The following NRXN1 variants were observed in gnomAD, a reference collection of about 807,000 sequenced individuals.
NRXN1 encodes the protein neurexin-1.
NRXN1 carries 39 observed loss-of-function variants against 150.9 expected under a neutral mutation model. The observed-to-expected ratio is 0.26, with a 90% CI of 0.20 to 0.34. The LOEUF is 0.34. Ranked by LOEUF, NRXN1 falls within the 10% of genes least tolerant of loss-of-function variation. The pLI is 1.00. For synonymous variants in NRXN1, 924 were observed against 757.0 expected (o/e 1.22, Z -3.62); for missense variants, 1,815 against 1,949.9 (o/e 0.93, Z 1.30).
chr2:50,870,331 T>C (rs1479490126), intron 5 of NRXN1, among the ~76,000 whole-genome samples: 2 of 151,894 alleles, frequency 1.3e-5, no homozygotes, highest in Non-Finnish European at 2.9e-5. Flanking sequence ...TAGTCAATCA[T>C]TGAGTCTTCT....
intron 17 of NRXN1, among the ~76,000 whole-genome samples, chr2:50,334,429 CTATT>C (rs2077052181): frequency 6.6e-6 from 1 of 152,026 alleles, no homozygotes; most frequent in Non-Finnish European, 1.5e-5. Flanking sequence ...GCCTTTCTCT[CTATT>C]TACCACATAC....
intron 21 of NRXN1, among the ~76,000 whole-genome samples, chr2:49,987,586 G>A (rs1425558419): frequency 1.3e-5 from 2 of 152,004 alleles, no homozygotes; most frequent in Non-Finnish European, 2.9e-5. Context: ...TTGATTCAAT[G>A]ACCCATTGAT....
At chr2:51,022,240 C>T (rs759218630) in intron 2 of NRXN1, among the ~76,000 whole-genome samples, 10 of 152,188 alleles carry the variant, frequency 6.6e-5, no homozygotes, top group Non-Finnish European at 1.5e-4. Context: ...AGGCACTAAT[C>T]TAAGAGATTC....
intron 22 of NRXN1, among the ~76,000 whole-genome samples, chr2:49,941,734 A>C (rs1230509280): frequency 1.3e-5 from 2 of 152,172 alleles, no homozygotes; most frequent in Non-Finnish European, 2.9e-5. Flanking sequence ...ACCCTGAAGA[A>C]AACACTAATT....
intron 18 of NRXN1, among the ~76,000 whole-genome samples, chr2:50,100,766 T>C (rs1334404966): frequency 6.6e-6 from 1 of 152,086 alleles, no homozygotes; most frequent in Non-Finnish European, 1.5e-5. Flanking sequence ...TAATTCTGTA[T>C]CTCCATCCAC....
chr2:50,966,439 A>G (rs1333069145), intron 2 of NRXN1, among the ~76,000 whole-genome samples: 1 of 151,602 alleles, frequency 6.6e-6, no homozygotes, highest in East Asian at 1.9e-4. Context: ...ACAATAACGG[A>G]GGGCCTTATT....
chr2:50,830,941 T>G (rs1289283200), intron 5 of NRXN1, among the ~76,000 whole-genome samples: 1 of 152,084 alleles, frequency 6.6e-6, no homozygotes, highest in Non-Finnish European at 1.5e-5. Context: ...TGTATTACTT[T>G]TATTTTTATG....
intron 5 of NRXN1, among the ~76,000 whole-genome samples, chr2:50,920,202 G>C (rs1685800869): frequency 6.6e-6 from 1 of 151,700 alleles, no homozygotes; most frequent in Non-Finnish European, 1.5e-5. Context: ...CCTGTCCTCT[G>C]TGTCTTTGTG....
At chr2:50,394,160 C>A (rs1427092338) in intron 17 of NRXN1, among the ~76,000 whole-genome samples, 1 of 152,100 alleles carries the variant, frequency 6.6e-6, no homozygotes, top group Admixed American at 6.6e-5. Flanking sequence ...TCTTCCCCAT[C>A]TAAACTCCCT....
At chr2:50,660,771 G>A (rs951751009) in intron 5 of NRXN1, among the ~76,000 whole-genome samples, 2 of 152,090 alleles carry the variant, frequency 1.3e-5, no homozygotes, top group Non-Finnish European at 1.5e-5. Context: ...AGATACTGGA[G>A]CACTACCTCC....
intron 21 of NRXN1, among the ~76,000 whole-genome samples, chr2:50,032,769 G>C (rs1436335766): frequency 6.6e-6 from 1 of 151,850 alleles, no homozygotes; most frequent in African/African-American, 2.4e-5. Flanking sequence ...ACAGAGGAAA[G>C]GCCACTCAGA....
chr2:50,187,197 C>T (rs928496327), intron 18 of NRXN1, among the ~76,000 whole-genome samples: 9 of 151,986 alleles, frequency 5.9e-5, no homozygotes, highest in Non-Finnish European at 1.2e-4. Context: ...CAAATTATTG[C>T]GATCATGAAT....
chr2:50,258,246 C>G (rs2067907811), intron 17 of NRXN1, among the ~76,000 whole-genome samples: 1 of 152,026 alleles, frequency 6.6e-6, no homozygotes, highest in Non-Finnish European at 1.5e-5. Context: ...CCACAATAGA[C>G]TTCTTTCAAA....
chr2:50,691,478 G>T (rs1417809707), intron 5 of NRXN1, among the ~76,000 whole-genome samples: 2 of 152,210 alleles, frequency 1.3e-5, no homozygotes, highest in Middle Eastern at 3.4e-3. Flanking sequence ...CTCTTCAAAT[G>T]CTTATTTTTT....
intron 21 of NRXN1, among the ~76,000 whole-genome samples, chr2:49,956,256 G>A (rs1674920399): frequency 6.6e-6 from 1 of 152,062 alleles, no homozygotes; most frequent in Non-Finnish European, 1.5e-5. Flanking sequence ...GTACCTTAGA[G>A]TTTTACAAAA....
chr2:50,373,643 AAAG>A, intron 17 of NRXN1, among the ~76,000 whole-genome samples: 1 of 96,104 alleles, frequency 1.0e-5, no homozygotes, highest in African/African-American at 4.1e-5. Context: ...AGAAAGAAAG[AAAG>A]AAAGAAAGAA....
chr2:50,550,285 G>C (rs1026829281), intron 9 of NRXN1, among the ~76,000 whole-genome samples: 3 of 152,034 alleles, frequency 2.0e-5, no homozygotes, highest in African/African-American at 4.8e-5. Flanking sequence ...GGAGTGCAAT[G>C]GTATGATCAC....
intron 15 of NRXN1, among the ~76,000 whole-genome samples, chr2:50,479,612 T>A (rs909884723): frequency 7.9e-6 from 1 of 127,382 alleles, no homozygotes; most frequent in African/African-American, 2.9e-5. Flanking sequence ...ATGGATGAAT[T>A]AGTAGTTCAC....
intron 22 of NRXN1, among the ~76,000 whole-genome samples, chr2:49,937,161 C>T (rs1047470879): frequency 4.6e-5 from 7 of 152,314 alleles, no homozygotes; most frequent in East Asian, 1.9e-4. Flanking sequence ...GCTCCATGCT[C>T]CAAACTGTAA....
Sources: allele counts gnomAD v4.1 joint callset (sites outside exome capture counted in the v4.1 genomes callset), GRCh38; gene constraint gnomAD v4.1.1; transcripts MANE v1.5; gene names NCBI Gene and HGNC (gene_info 2026-07-23, HGNC 2026-07-21).